PRKD1: variants seen among roughly 807,000 people sequenced by gnomAD.
The protein encoded by PRKD1 is serine/threonine-protein kinase D1.
In PRKD1, 63 loss-of-function variants were observed where a neutral mutation model predicts 95.9. The observed-to-expected ratio is 0.66, with a 90% confidence interval of 0.54 to 0.81. The LOEUF (loss-of-function observed/expected upper bound fraction) is 0.81. Among genes scored for constraint, PRKD1 ranks in the 30% least tolerant of loss-of-function variants. The pLI is 0.00. For missense variants in PRKD1, 1,048 were observed against 1,165.3 expected (o/e 0.90, Z 1.47); for synonymous variants, 425 against 423.1 (o/e 1.00, Z -0.05).
intron 1 of PRKD1, among the ~76,000 whole-genome samples, chr14:29,817,499 T>A (rs1890739022): frequency 6.6e-6 from 1 of 152,238 alleles, no homozygotes; most frequent in African/African-American, 2.4e-5. Context: ...GATTTATTTT[T>A]ATTTAACAAA....
chr14:29,895,877 T>C (rs1474661838), intron 1 of PRKD1, among the ~76,000 whole-genome samples: 1 of 152,234 alleles, frequency 6.6e-6, no homozygotes, highest in Non-Finnish European at 1.5e-5. Context: ...CCCTGCCCTA[T>C]GCACAGCAGT....
chr14:29,692,082 A>G (rs1884269151), intron 2 of PRKD1, among the ~76,000 whole-genome samples: 1 of 152,180 alleles, frequency 6.6e-6, no homozygotes, highest in Non-Finnish European at 1.5e-5. Flanking sequence ...CTTAACACAC[A>G]CTTTGAGTCC....
intron 12 of PRKD1, among the ~76,000 whole-genome samples, chr14:29,625,775 T>C (rs1879578863): frequency 6.6e-6 from 1 of 152,082 alleles, no homozygotes; most frequent in African/African-American, 2.4e-5. Flanking sequence ...TAAATAAAAT[T>C]GAATGGGACA....
At chr14:29,863,056 CTT>C (rs1418488480) in intron 1 of PRKD1, among the ~76,000 whole-genome samples, 1 of 152,142 alleles carries the variant, frequency 6.6e-6, no homozygotes, top group Non-Finnish European at 1.5e-5. Context: ...TTTTGCCACT[CTT>C]TATAGAGAAT....
chr14:29,878,238 C>T (rs1176471782), intron 1 of PRKD1, among the ~76,000 whole-genome samples: 1 of 148,272 alleles, frequency 6.7e-6, no homozygotes, highest in East Asian at 2.0e-4. Flanking sequence ...ATCTGTACCA[C>T]AAACCCCTGT....
intron 2 of PRKD1, among the ~76,000 whole-genome samples, chr14:29,680,681 A>C (rs1158964456): frequency 6.6e-6 from 1 of 152,188 alleles, no homozygotes; most frequent in Non-Finnish European, 1.5e-5. Context: ...TAAGACATTT[A>C]AGTGTGAAAA....
At chr14:29,732,821 C>A (rs1886505880) in intron 1 of PRKD1, among the ~76,000 whole-genome samples, 1 of 149,046 alleles carries the variant, frequency 6.7e-6, no homozygotes, top group Admixed American at 6.6e-5. Flanking sequence ...TATCTGTTCC[C>A]CTGTATGCAA....
At chr14:29,697,849 T>C (rs1048969825) in intron 2 of PRKD1, among the ~76,000 whole-genome samples, 3 of 152,182 alleles carry the variant, frequency 2.0e-5, no homozygotes, top group Non-Finnish European at 4.4e-5. Flanking sequence ...TTTTTGATAT[T>C]ATATAAGAAC....
chr14:29,815,556 A>C (rs1890653952), intron 1 of PRKD1, among the ~76,000 whole-genome samples: 1 of 152,260 alleles, frequency 6.6e-6, no homozygotes, highest in Non-Finnish European at 1.5e-5. Context: ...AATTTACAGT[A>C]CTATGCAATG....
At chr14:29,918,382 G>C (rs937865185) in intron 1 of PRKD1, among the ~76,000 whole-genome samples, 1 of 151,842 alleles carries the variant, frequency 6.6e-6, no homozygotes, top group African/African-American at 2.4e-5. Context: ...AAATGTAAAA[G>C]AAAAACACTT....
chr14:29,826,710 C>CACAT (rs1269181474), intron 1 of PRKD1, among the ~76,000 whole-genome samples: 4 of 67,758 alleles, frequency 5.9e-5, no homozygotes, highest in Non-Finnish European at 1.1e-4. Context: ...CATATATACA[C>CACAT]ATATATATAT....
At chr14:29,906,532 C>CAAA (rs199826591) in intron 1 of PRKD1, among the ~76,000 whole-genome samples, 2 of 139,062 alleles carry the variant, frequency 1.4e-5, no homozygotes, top group Admixed American at 7.2e-5. Context: ...TCAATTTAAC[C>CAAA]AAAAAAAAAA....
At chr14:29,604,356 T>C (rs1431345616) in intron 13 of PRKD1, among the ~76,000 whole-genome samples, 1 of 152,182 alleles carries the variant, frequency 6.6e-6, no homozygotes, top group African/African-American at 2.4e-5. Context: ...AGATTCAACC[T>C]ATCTTTGCAA....
chr14:29,852,219 C>A (rs1195196279), intron 1 of PRKD1, among the ~76,000 whole-genome samples: 1 of 151,780 alleles, frequency 6.6e-6, no homozygotes, highest in Non-Finnish European at 1.5e-5. Context: ...CATATTATAC[C>A]CCTTGAATCT....
In PRKD1 at chr14:29,755,509, C is replaced by T. The variant is rs146079849; in HGVS notation, c.265-29835G>A. Among the ~76,000 whole-genome samples, 859 of 151,962 alleles carry T rather than the reference C, an allele frequency of 5.7e-3. 4 individuals carry two copies. The highest frequency in any genetic ancestry group is 0.027 in the Middle Eastern group (8 of 294). On this transcript the variant is annotated intron_variant, in intron 1 of 17. Transcript: ENST00000331968. Reference sequence around the variant, plus strand: ...GACAAACCCCGGCGACACAGAGTGCCGGAAAAAAAACAAACTTACCCCTGG... The same window carrying T: ...GACAAACCCCGGCGACACAGAGTGCTGGAAAAAAAACAAACTTACCCCTGG...
intron 1 of PRKD1, among the ~76,000 whole-genome samples, chr14:29,899,569 C>T (rs1414917444): frequency 1.3e-5 from 2 of 152,148 alleles, no homozygotes; most frequent in East Asian, 1.9e-4. Context: ...ATTGCTTGAA[C>T]CCAGGAGGTG....
At chr14:29,800,888 C>T (rs1246904401) in intron 1 of PRKD1, among the ~76,000 whole-genome samples, 1 of 152,102 alleles carries the variant, frequency 6.6e-6, no homozygotes, top group Non-Finnish European at 1.5e-5. Flanking sequence ...CCCCTGGCAC[C>T]AATCCTCCCT....
intron 1 of PRKD1, among the ~76,000 whole-genome samples, chr14:29,731,417 T>C (rs1180125603): frequency 6.6e-6 from 1 of 152,200 alleles, no homozygotes; most frequent in East Asian, 1.9e-4. Context: ...ATTCTGCTGT[T>C]GTTGGGTGGC....
intron 13 of PRKD1, among the ~76,000 whole-genome samples, chr14:29,604,071 A>G (rs192238138): frequency 8.3e-4 from 127 of 152,318 alleles, no homozygotes; most frequent in African/African-American, 2.9e-3. Context: ...ATTAGTCACT[A>G]GAATCAAAAG....
Sources: gnomAD v4.1 joint callset for allele counts (sites outside exome capture counted in the v4.1 genomes callset) on GRCh38, gnomAD v4.1.1 for gene constraint, MANE v1.5 for transcripts, NCBI Gene and HGNC (gene_info 2026-07-23, HGNC 2026-07-21) for gene names.